Variants in TASP1 observed in about 807,000 individuals in gnomAD.
TASP1 encodes the protein threonine aspartase 1.
In TASP1, 16 loss-of-function variants were observed where a neutral mutation model predicts 56.6. The ratio of observed to expected loss-of-function variants is 0.28; its 90% CI spans 0.19 to 0.43. The LOEUF is 0.43. Among genes scored for constraint, TASP1 ranks in the 20% least tolerant of loss-of-function variants. The probability of loss-of-function intolerance (pLI) is 1.00; values close to 1 mark genes in which losing one functional copy is unlikely to be tolerated. For missense variants in TASP1, 393 were observed against 511.6 expected (o/e 0.77, Z 2.24); for synonymous variants, 179 against 184.2 (o/e 0.97, Z 0.23).
chr20:13,468,893 A>C (rs571892290), intron 11 of TASP1, among the ~76,000 whole-genome samples: 1 of 150,966 alleles, frequency 6.6e-6, no homozygotes, highest in Non-Finnish European at 1.5e-5. Flanking sequence ...AGATGAAACA[A>C]ATTCCTTGTA....
chr20:13,298,551 A>T, the TASP1 span, among the ~76,000 whole-genome samples: 1 of 152,222 alleles, frequency 6.6e-6, no homozygotes, highest in African/African-American at 2.4e-5. Context: ...GTGACATTAT[A>T]TATTTCCACA....
At chr20:13,228,597 G>A in the TASP1 span, among the ~76,000 whole-genome samples, 1 of 151,810 alleles carries the variant, frequency 6.6e-6, no homozygotes, top group Non-Finnish European at 1.5e-5. Flanking sequence ...TTAATGTTCG[G>A]AAATTTTACC....
the TASP1 span, among the ~76,000 whole-genome samples, chr20:13,219,146 C>G: frequency 6.6e-6 from 1 of 152,186 alleles, no homozygotes; most frequent in African/African-American, 2.4e-5. Context: ...ACAGCGGCCC[C>G]TGGATCCTAA....
the TASP1 span, chr20:13,299,679 C>T: frequency 1.0e-5 from 5 of 482,888 alleles, no homozygotes; most frequent in Admixed American, 1.8e-4. This position sits in a 1 kb window ranked among gnomAD's most constrained non-coding sequence, Gnocchi z 5.8. Flanking sequence ...TGAAAGTGCC[C>T]CTGGGGAGCG....
At chr20:13,129,857 C>A in the TASP1 span, among the ~76,000 whole-genome samples, 1 of 152,096 alleles carries the variant, frequency 6.6e-6, no homozygotes, top group African/African-American at 2.4e-5. Flanking sequence ...TCTCTCTTAG[C>A]CTTATACCTA....
the TASP1 span, among the ~76,000 whole-genome samples, chr20:13,219,097 G>A: frequency 2.6e-5 from 4 of 152,172 alleles, no homozygotes; most frequent in African/African-American, 9.7e-5. Context: ...AGCAGCTGAG[G>A]TTTACATGTG....
intron 2 of TASP1, among the ~76,000 whole-genome samples, chr20:13,625,726 T>C (rs919383665): frequency 3.9e-5 from 6 of 152,186 alleles, no homozygotes; most frequent in African/African-American, 1.4e-4. Context: ...AGTTGAGGTG[T>C]CTTACATCTC....
chr20:13,549,981 C>T (rs2045924771), intron 8 of TASP1, among the ~76,000 whole-genome samples: 1 of 152,044 alleles, frequency 6.6e-6, no homozygotes, highest in Non-Finnish European at 1.5e-5. Context: ...TTAACATTGC[C>T]TTCTTGCCTC....
rs75734525 is a variant in TASP1 at position 13,544,404 on chromosome 20, G to A, written c.676-10263C>T. ...CTTTGTTTTTCCCACTGGAGAGCTG[G>A]TCATCCTTCACTGTAATCAGTCACC... On this transcript the variant is annotated intron_variant, in intron 8 of 13. Coordinates refer to ENST00000337743, the MANE Select transcript of TASP1 (RefSeq NM_017714.3). Among the ~76,000 whole-genome samples, 511 of 152,272 alleles carry A rather than the reference G, an allele frequency of 3.4e-3. 1 individual carries two copies. Among genetic ancestry groups the A allele is most frequent in the Non-Finnish European group, 5.9e-3 (401 of 68,012 alleles).
chr20:13,295,567 A>G, the TASP1 span, among the ~76,000 whole-genome samples: 1 of 152,152 alleles, frequency 6.6e-6, no homozygotes, highest in South Asian at 2.1e-4. Context: ...TGTCCATTAG[A>G]CACCTCCAAG....
chr20:13,444,228 A>G (rs995807035), intron 11 of TASP1, among the ~76,000 whole-genome samples: 1 of 152,184 alleles, frequency 6.6e-6, no homozygotes, highest in Non-Finnish European at 1.5e-5. Flanking sequence ...CCGGACACAC[A>G]GCTTCCTCTT....
intron 10 of TASP1, among the ~76,000 whole-genome samples, chr20:13,520,581 T>C (rs2044710339): frequency 6.6e-6 from 1 of 152,218 alleles, no homozygotes; most frequent in Non-Finnish European, 1.5e-5. Context: ...TGTAGAAGGC[T>C]GAAACTGGAT....
chr20:13,347,411 C>T, the TASP1 span, among the ~76,000 whole-genome samples: 1 of 152,240 alleles, frequency 6.6e-6, no homozygotes, highest in African/African-American at 2.4e-5. Flanking sequence ...CTCCAACCCA[C>T]TCCCTGAAGG....
chr20:13,120,467 A>G, the TASP1 span, among the ~76,000 whole-genome samples: 4 of 152,208 alleles, frequency 2.6e-5, no homozygotes, highest in Non-Finnish European at 4.4e-5. Flanking sequence ...AAATTTGAAA[A>G]TAATCAGTTA....
the TASP1 span, chr20:13,126,723 A>G: frequency 8.1e-6 from 13 of 1,613,702 alleles, no homozygotes; most frequent in Non-Finnish European, 1.1e-5. Context: ...TCAAGGTAAG[A>G]GGATCTGCAG....
At chr20:13,349,720 C>T in the TASP1 span, among the ~76,000 whole-genome samples, 1 of 152,032 alleles carries the variant, frequency 6.6e-6, no homozygotes. Flanking sequence ...TGCAAGAAAT[C>T]TACAAAAAAG....
At chr20:13,617,091 G>C (rs1426593077) in intron 4 of TASP1, 7 of 455,492 alleles carry the variant, frequency 1.5e-5, no homozygotes, top group Non-Finnish European at 3.1e-5. Context: ...TTGGCTGGAT[G>C]CAACTCCATG....
chr20:13,375,671 A>G, the TASP1 span, among the ~76,000 whole-genome samples: 351 of 152,272 alleles, frequency 2.3e-3, no homozygotes, highest in African/African-American at 8.3e-3. Context: ...TGTATTCCAC[A>G]ATGTTTGAAC....
intron 10 of TASP1, among the ~76,000 whole-genome samples, chr20:13,503,021 C>T (rs774071593): frequency 4.6e-5 from 7 of 152,134 alleles, no homozygotes; most frequent in Non-Finnish European, 7.3e-5. Context: ...TCCTGGGTAC[C>T]CCAGCTGTGC....
Sources: allele counts gnomAD v4.1 joint callset (sites outside exome capture counted in the v4.1 genomes callset), GRCh38; gene constraint gnomAD v4.1.1; non-coding constraint Gnocchi (gnomAD v3.1); transcripts MANE v1.5; gene names NCBI Gene and HGNC (gene_info 2026-07-23, HGNC 2026-07-21).